Variants in NEMP2 observed in about 807,000 individuals in gnomAD.
NEMP2 encodes UPF0571 transmembrane protein.
In NEMP2, 53 loss-of-function variants were observed where a neutral mutation model predicts 54.2. The ratio of observed to expected loss-of-function variants is 0.98; its 90% CI spans 0.78 to 1.23. The LOEUF is 1.23. NEMP2 is among the 50% of genes most tolerant of loss of function. The pLI, the probability that NEMP2 is intolerant of heterozygous loss-of-function variation, is 0.00. For missense variants in NEMP2, 455 were observed against 511.3 expected (o/e 0.89, Z 1.06); for synonymous variants, 197 against 190.3 (o/e 1.04, Z -0.29).
the NEMP2 span, among the ~76,000 whole-genome samples, chr2:190,592,301 A>G: frequency 2.6e-5 from 4 of 152,194 alleles, no homozygotes; most frequent in African/African-American, 9.6e-5. This position sits in a 1 kb window ranked among gnomAD's most constrained non-coding sequence, Gnocchi z 4.4. Flanking sequence ...TAACCAATCT[A>G]AAGTGTATGT....
At chr2:190,611,238 T>G in the NEMP2 span, among the ~76,000 whole-genome samples, 1 of 152,210 alleles carries the variant, frequency 6.6e-6, no homozygotes, top group Non-Finnish European at 1.5e-5. The surrounding 1 kb of genome is among the most constrained non-coding windows in gnomAD (Gnocchi z 5.4). Context: ...CTCCCATAAC[T>G]TTGGAACACA....
chr2:190,547,166 C>T, the NEMP2 span, among the ~76,000 whole-genome samples: 3 of 152,112 alleles, frequency 2.0e-5, no homozygotes, highest in Non-Finnish European at 2.9e-5. This position sits in a 1 kb window ranked among gnomAD's most constrained non-coding sequence, Gnocchi z 6.2. Flanking sequence ...AGCGGTGGAG[C>T]GAGTGTCTGG....
the NEMP2 span, among the ~76,000 whole-genome samples, chr2:190,473,750 A>C: frequency 1.3e-5 from 2 of 152,236 alleles, no homozygotes; most frequent in Non-Finnish European, 2.9e-5. Context: ...TCTCCACCCC[A>C]AATCAACAGA....
the NEMP2 span, among the ~76,000 whole-genome samples, chr2:190,449,729 T>C: frequency 9.9e-5 from 15 of 151,918 alleles, no homozygotes; most frequent in Admixed American, 7.9e-4. Context: ...ATGGATGAAA[T>C]TGGAAATCAT....
the NEMP2 span, among the ~76,000 whole-genome samples, chr2:190,583,387 ACT>A: frequency 6.6e-6 from 1 of 152,096 alleles, no homozygotes; most frequent in African/African-American, 2.4e-5. Flanking sequence ...AGCCAGGGTG[ACT>A]CTGAGTGGCT....
rs1470422389 is a variant in NEMP2, at chr2:190,517,752, A to C, written c.519-139T>G. The C allele has an allele frequency of 2.8e-5, 18 of 651,074 alleles. No homozygotes were observed. The East Asian group carries it at 5.1e-4, about 19-fold the overall frequency. 40.3% of individuals were successfully genotyped at this position (651,074 alleles called of 1,614,324 possible). A position where few individuals can be genotyped will look rare whatever the true frequency, so the allele number is the denominator to read the frequency against. On this transcript the variant is annotated intron_variant, in intron 4 of 8. Coordinates refer to ENST00000409150, the MANE Select transcript of NEMP2 (RefSeq NM_001142645.2). ...GATGGCAGCTCTCATTACATCCTAT[A>C]CTCTTAAAAAACAAAATGGGTACTT...
At chr2:190,541,528 G>A in the NEMP2 span, among the ~76,000 whole-genome samples, 913 of 152,170 alleles carry the variant, frequency 6.0e-3, 12 homozygotes, top group African/African-American at 0.021. This position sits in a 1 kb window ranked among gnomAD's most constrained non-coding sequence, Gnocchi z 5.2. Flanking sequence ...TCATTTGGAA[G>A]CAAGTTGTTT....
intron 7 of NEMP2, among the ~76,000 whole-genome samples, chr2:190,511,083 C>A (rs187061813): frequency 6.6e-6 from 1 of 152,232 alleles, no homozygotes; most frequent in Admixed American, 6.5e-5. Flanking sequence ...ATTTGAGAAT[C>A]AATTTCTGAT....
chr2:190,567,008 A>C, the NEMP2 span, among the ~76,000 whole-genome samples: 1 of 152,182 alleles, frequency 6.6e-6, no homozygotes, highest in Non-Finnish European at 1.5e-5. This position sits in a 1 kb window ranked among gnomAD's most constrained non-coding sequence, Gnocchi z 4.0. Context: ...AGAGAGGAGG[A>C]AACATGAAAA....
At chr2:190,443,448 A>C in the NEMP2 span, among the ~76,000 whole-genome samples, 4 of 152,150 alleles carry the variant, frequency 2.6e-5, no homozygotes, top group Non-Finnish European at 5.9e-5. This position sits in a 1 kb window ranked among gnomAD's most constrained non-coding sequence, Gnocchi z 4.2. Flanking sequence ...AGCTTATTTT[A>C]CTTTTTTTCT....
the NEMP2 span, among the ~76,000 whole-genome samples, chr2:190,476,864 C>T: frequency 6.6e-6 from 1 of 152,016 alleles, no homozygotes; most frequent in Non-Finnish European, 1.5e-5. Flanking sequence ...CCATGGAGTA[C>T]TATGCAGCCA....
chr2:190,548,049 C>T, the NEMP2 span, among the ~76,000 whole-genome samples: 1 of 152,034 alleles, frequency 6.6e-6, no homozygotes, highest in African/African-American at 2.4e-5. Context: ...GAATGACAGG[C>T]AGGATAAGCC....
chr2:190,550,248 G>A, the NEMP2 span, among the ~76,000 whole-genome samples: 7 of 152,060 alleles, frequency 4.6e-5, no homozygotes, highest in East Asian at 3.9e-4. This position sits in a 1 kb window ranked among gnomAD's most constrained non-coding sequence, Gnocchi z 4.7. Context: ...TCAAGATACC[G>A]GTAGATTCCA....
the NEMP2 span, among the ~76,000 whole-genome samples, chr2:190,429,626 A>G: frequency 1.3e-5 from 2 of 152,094 alleles, no homozygotes; most frequent in African/African-American, 4.8e-5. Context: ...GAAATTCTTA[A>G]TTTTAATGTA....
the NEMP2 span, among the ~76,000 whole-genome samples, chr2:190,563,280 C>G: frequency 1.3e-5 from 2 of 152,184 alleles, no homozygotes; most frequent in East Asian, 3.9e-4. This position sits in a 1 kb window ranked among gnomAD's most constrained non-coding sequence, Gnocchi z 4.3. Context: ...CACACAGGCC[C>G]AGTGACCCGG....
At position 190,510,684 on chromosome 2, in the gene NEMP2, G is replaced by T; in HGVS notation, c.954-147C>A. 1.4e-6 allele frequency: 1 copy of T among 718,792 alleles called. No individual in the cohort carries two copies. The highest frequency in any genetic ancestry group is 2.3e-6 in the Non-Finnish European group (1 of 437,582). The allele number at this position is 718,792 out of a possible 1,614,324, so 44.5% of individuals were successfully genotyped here. A position where few individuals can be genotyped will look rare whatever the true frequency, so the allele number is the denominator to read the frequency against. On this transcript the variant is annotated intron_variant, in intron 7 of 8. Coordinates refer to ENST00000409150, the MANE Select transcript of NEMP2 (RefSeq NM_001142645.2). The surrounding 1 kb of genome is among the most constrained non-coding windows in gnomAD (Gnocchi z 5.7). ...ATCACGAGGTCAGGAGATTGAGACG[G>T]TCCTGGCTAACAAGGTGAAACACTG... is the stretch of plus-strand genomic sequence containing the variant.
chr2:190,441,726 C>T, the NEMP2 span, among the ~76,000 whole-genome samples: 1 of 152,132 alleles, frequency 6.6e-6, no homozygotes, highest in Non-Finnish European at 1.5e-5. Flanking sequence ...TCAGCCTTGT[C>T]TCCTCAGCTC....
chr2:190,609,157 C>T, the NEMP2 span: 2 of 152,122 alleles, frequency 1.3e-5, no homozygotes, highest in Admixed American at 1.3e-4. This position sits in a 1 kb window ranked among gnomAD's most constrained non-coding sequence, Gnocchi z 4.7. Context: ...AAATTATTGC[C>T]AGACCAACTC....
At chr2:190,614,984 T>C in the NEMP2 span, among the ~76,000 whole-genome samples, 10 of 152,212 alleles carry the variant, frequency 6.6e-5, no homozygotes, top group Non-Finnish European at 1.3e-4. The surrounding 1 kb of genome is among the most constrained non-coding windows in gnomAD (Gnocchi z 5.7). Flanking sequence ...CAAAGAGGTA[T>C]CTTGAACAAT....
Sources: gnomAD v4.1 joint callset for allele counts (sites outside exome capture counted in the v4.1 genomes callset) on GRCh38, gnomAD v4.1.1 for gene constraint, Gnocchi (gnomAD v3.1) non-coding constraint, MANE v1.5 for transcripts, NCBI Gene and HGNC (gene_info 2026-07-23, HGNC 2026-07-21) for gene names.